The following TGM4 variants were observed in gnomAD, a reference collection of about 807,000 sequenced individuals.
TGM4 encodes the protein transglutaminase 4.
TGM4 carries 61 observed loss-of-function variants against 76.3 expected under a neutral mutation model. That is an observed-to-expected ratio of 0.80 (90% CI 0.65 to 0.99). TGM4 has a LOEUF of 0.99. Ranked by LOEUF, TGM4 falls within the 50% of genes least tolerant of loss-of-function variation. The pLI is 0.00. For missense variants in TGM4, 794 were observed against 843.2 expected (o/e 0.94, Z 0.72); for synonymous variants, 337 against 329.8 (o/e 1.02, Z -0.24).
intron 10 of TGM4, among the ~76,000 whole-genome samples, chr3:44,909,850 CT>C (rs1699975852): frequency 6.6e-6 from 1 of 152,158 alleles, no homozygotes; most frequent in African/African-American, 2.4e-5. Flanking sequence ...GTTCTCATTG[CT>C]TTTATGGAGA....
chr3:44,875,390 TTTCTCAAGGTCACCTG>T, intron 1 of TGM4, among the ~76,000 whole-genome samples: 1 of 152,350 alleles, frequency 6.6e-6, no homozygotes, highest in East Asian at 1.9e-4. Flanking sequence ...TGTCCTGTCC[TTTCTCAAGGTCACCTG>T]ATGGATTTCC....
chr3:44,895,750 T>C (rs1458161045), intron 5 of TGM4, among the ~76,000 whole-genome samples: 2 of 152,230 alleles, frequency 1.3e-5, no homozygotes, highest in Non-Finnish European at 1.5e-5. Context: ...TGGTAGTTTT[T>C]CCCTCAGGTT....
chr3:44,875,973 A>T (rs1337112678), intron 1 of TGM4, among the ~76,000 whole-genome samples: 1 of 152,184 alleles, frequency 6.6e-6, no homozygotes, highest in African/African-American at 2.4e-5. Flanking sequence ...TTCATGTCTA[A>T]ATAGCCCTGT....
In TGM4 at chr3:44,907,061, G is replaced by T; in HGVS notation, c.1188G>T (p.Trp396Cys). The T allele has an allele frequency of 6.2e-7, 1 of 1,614,164 alleles. No individual in the cohort carries two copies. Among genetic ancestry groups the T allele is most frequent in the Non-Finnish European group, 8.5e-7 (1 of 1,180,040 alleles). Residue 396 changes from tryptophan to cysteine, a missense_variant, in exon 10 of 14, where the codon TGG (tryptophan) becomes TGT (cysteine). By Grantham distance (215) the Trp-to-Cys change is radical. Transcript: ENST00000296125. ...AAGTGAATGGTGACAGGCTCATCTG[G>T]TTGGTGAAGATGGTGAATGGGCAGG... is the stretch of plus-strand genomic sequence containing the variant. The part of the protein sequence containing the change: ...FSEVNGDRLI[W>C]LVKMVNGQEE...
At chr3:44,907,764 C>T (rs558556471) in intron 10 of TGM4, among the ~76,000 whole-genome samples, 3 of 152,332 alleles carry the variant, frequency 2.0e-5, no homozygotes, top group African/African-American at 7.2e-5. Flanking sequence ...GCAATCTCTA[C>T]TATCCACAGG....
At chr3:44,897,000 C>CTTTT (rs59154155) in intron 6 of TGM4, among the ~76,000 whole-genome samples, 184 bp downstream of exon 6, 43 of 104,328 alleles carry the variant, frequency 4.1e-4, no homozygotes, top group Non-Finnish European at 4.9e-4. Flanking sequence ...GTTTTCTTTT[C>CTTTT]TTTTTTTTTT....
chr3:44,890,580 A>G, intron 3 of TGM4, 23 bp from the exon 4 acceptor site: 1 of 1,612,460 alleles, frequency 6.2e-7, no homozygotes, highest in Non-Finnish European at 8.5e-7. Flanking sequence ...GGAGATGTCC[A>G]CCTTATCTTA....
chr3:44,901,526 G>A lies in TGM4; in HGVS notation c.660G>A (p.Met220Ile), dbSNP rs1699852289. The A allele has an allele frequency of 1.2e-6, 2 of 1,603,124 alleles. No individual in the cohort carries two copies. Among genetic ancestry groups the A allele is most frequent in the African/African-American group, 1.3e-5 (1 of 74,872 alleles). Residue 220 changes from methionine to isoleucine, a missense_variant and splice_region_variant, in exon 7 of 14, where the codon ATG (methionine) becomes ATA (isoleucine). Met to Ile is a conservative substitution (Grantham distance 10). Coordinates refer to ENST00000296125, the MANE Select transcript of TGM4 (RefSeq NM_003241.4). Reference sequence around the variant, plus strand: ...CCCCACCCCTACGTGTGTGGCAGATGAGCTTTGAGAAAGGCCAGGGCGTGC... The same window carrying A: ...CCCCACCCCTACGTGTGTGGCAGATAAGCTTTGAGAAAGGCCAGGGCGTGC... ...VLVCRAMCAM[M>I]SFEKGQGVLI... is the part of the protein sequence containing the mutation.
chr3:44,913,654 T>G lies in TGM4; in HGVS notation c.1984T>G (p.Phe662Val). The change falls in exon 14 of 14, where the codon TTT becomes GTT. Residue 662 changes from phenylalanine to valine, a missense_variant. Phe to Val is a conservative substitution (Grantham distance 50, BLOSUM62 -1). Transcript: ENST00000296125. ...CTPIKTGPKK[F>V]IVKLSSKQVK... ...CCCAATAAAAACTGGACCCAAGAAATTTATCGTCAAGTTAAGTTCCAAACA... is the reference window on the plus strand; with the variant it reads ...CCCAATAAAAACTGGACCCAAGAAAGTTATCGTCAAGTTAAGTTCCAAACA... 1 of 1,614,168 alleles carries G rather than the reference T, an allele frequency of 6.2e-7. No homozygotes were observed. The highest frequency in any genetic ancestry group is 8.5e-7 in the Non-Finnish European group (1 of 1,180,044).
chr3:44,901,738 G>C (rs1340640535), intron 7 of TGM4, 40 bp downstream of exon 7: 1 of 1,612,932 alleles, frequency 6.2e-7, no homozygotes, highest in Admixed American at 1.7e-5. Flanking sequence ...GAGGTCCCAA[G>C]GGAGGGACTC....
intron 1 of TGM4, among the ~76,000 whole-genome samples, chr3:44,884,331 G>A: frequency 6.6e-6 from 1 of 152,302 alleles, no homozygotes; most frequent in East Asian, 1.9e-4. Context: ...AGATAAAGGG[G>A]AGGGGTTTGG....
chr3:44,903,382 T>G (rs1030906475), intron 8 of TGM4, among the ~76,000 whole-genome samples: 4 of 152,204 alleles, frequency 2.6e-5, no homozygotes, highest in African/African-American at 9.7e-5. Flanking sequence ...GTTACAAAGT[T>G]GCTGATCAAC....
intron 4 of TGM4, among the ~76,000 whole-genome samples, chr3:44,892,363 T>A (rs1346329691): frequency 5.0e-5 from 3 of 60,388 alleles, no homozygotes; most frequent in Admixed American, 2.0e-4. Flanking sequence ...TTTTTTTTAA[T>A]TTTTTTTTTT....
intron 1 of TGM4, among the ~76,000 whole-genome samples, chr3:44,884,493 T>A (rs912863663): frequency 6.6e-6 from 1 of 152,168 alleles, no homozygotes; most frequent in African/African-American, 2.4e-5. Flanking sequence ...ATCCCCTGTT[T>A]TTTTTGGGGG....
intron 6 of TGM4, among the ~76,000 whole-genome samples, chr3:44,897,246 C>T (rs1445707439): frequency 6.6e-6 from 1 of 151,974 alleles, no homozygotes; most frequent in Non-Finnish European, 1.5e-5. Flanking sequence ...CCTCGTGATC[C>T]ACCCGCCTCG....
At chr3:44,883,677 C>A (rs540212240) in intron 1 of TGM4, among the ~76,000 whole-genome samples, 1 of 152,268 alleles carries the variant, frequency 6.6e-6, no homozygotes, top group East Asian at 1.9e-4. Context: ...AGGCCCTGTG[C>A]GCAGTGTGAA....
Position 44,885,326 on chromosome 3 carries a change from G to A in TGM4, c.21G>A (p.Glu7=). Residue 7 remains glutamate, a splice_region_variant and synonymous_variant, in exon 2 of 14, where the codon GAG becomes GAA. Coordinates refer to ENST00000296125, the MANE Select transcript of TGM4 (RefSeq NM_003241.4). The part of the protein sequence containing the change: MMDASK[E]LQVLHIDFLN... ...CCACATGTGCTGCGTTGCTGACAGA[G>A]CTGCAAGTTCTCCACATTGACTTCT... 1 of 1,604,548 alleles carries A rather than the reference G, an allele frequency of 6.2e-7. No individual in the cohort carries two copies. The highest frequency in any genetic ancestry group is 1.3e-5 in the African/African-American group (1 of 74,910).
In TGM4 at chr3:44,890,642, G is replaced by C; in HGVS notation, c.340G>C (p.Gly114Arg). Residue 114 changes from glycine to arginine, a missense_variant, in exon 4 of 14, where the codon GGC becomes CGC. Coordinates refer to ENST00000296125, the MANE Select transcript of TGM4 (RefSeq NM_003241.4). ...CACCAGTTCCCCCAATGCCATCCTG[G>C]GCAAGTACCAACTAAACGTGAAAAC... ...AVTSSPNAIL[G>R]KYQLNVKTGN... 2.5e-6 allele frequency: 4 copies of C among 1,614,078 alleles called. No homozygotes were observed. The highest frequency in any genetic ancestry group is 3.4e-6 in the Non-Finnish European group (4 of 1,180,024).
At position 44,907,120 on chromosome 3, in the gene TGM4, G is replaced by A. The variant is rs771321715; in HGVS notation, c.1247G>A (p.Ser416Asn). ...ELHVISMETT[S>N]IGKNISTKAV... Reference sequence around the variant, plus strand: ...CACGTAATTTCAATGGAGACCACAAGCATCGGGAAAAACATCAGCACCAAG... The same window carrying A: ...CACGTAATTTCAATGGAGACCACAAACATCGGGAAAAACATCAGCACCAAG... The change falls in exon 10 of 14, where the codon AGC becomes AAC. Residue 416 changes from serine to asparagine, a missense_variant. Transcript: ENST00000296125. The A allele has an allele frequency of 6.2e-7, 1 of 1,614,120 alleles. No individual in the cohort carries two copies. The highest frequency in any genetic ancestry group is 8.5e-7 in the Non-Finnish European group (1 of 1,180,024).
Sources: gnomAD v4.1 joint callset for allele counts (sites outside exome capture counted in the v4.1 genomes callset) on GRCh38, gnomAD v4.1.1 for gene constraint, MANE v1.5 for transcripts, NCBI Gene and HGNC (gene_info 2026-07-23, HGNC 2026-07-21) for gene names.